Variants in VMP1 observed in about 807,000 individuals in gnomAD.
VMP1 encodes the protein vacuole membrane protein 1.
A neutral mutation model predicts 56.0 loss-of-function variants in VMP1; 11 were observed. The ratio of observed to expected loss-of-function variants is 0.20; its 90% CI spans 0.12 to 0.32. VMP1 has a LOEUF of 0.32. VMP1 is among the 10% of genes least tolerant of loss of function. The probability of loss-of-function intolerance (pLI) is 1.00; values close to 1 mark genes in which losing one functional copy is unlikely to be tolerated. For synonymous variants in VMP1, 149 were observed against 165.0 expected, an observed-to-expected ratio of 0.90 and a Z score of 0.74; for missense variants, 296 against 490.3, an observed-to-expected ratio of 0.60 and a Z score of 3.74.
chr17:59,740,463 A>G (rs2035186016), intron 5 of VMP1, among the ~76,000 whole-genome samples: 1 of 152,232 alleles, frequency 6.6e-6, no homozygotes, highest in Admixed American at 6.5e-5. Context: ...TAATGAATTC[A>G]TCTCTGAAGC....
At position 59,723,959 on chromosome 17, in the gene VMP1, C is replaced by A. The variant is rs548321495; in HGVS notation, c.-26-7462C>A. On this transcript the variant is annotated intron_variant, in intron 1 of 11. Coordinates refer to ENST00000262291, the MANE Select transcript of VMP1 (RefSeq NM_030938.5). ...GCTGGATATGGTTCATGCCTGTAAT[C>A]CCAGCACTTTGGGAGGCCAAGGCAG... is the stretch of plus-strand genomic sequence containing the variant. Among the ~76,000 whole-genome samples, 10 of 152,256 alleles carry A rather than the reference C, an allele frequency of 6.6e-5. No individual in the cohort carries two copies. In the South Asian group the frequency reaches 2.1e-3, roughly 32 times the overall value.
intron 10 of VMP1, among the ~76,000 whole-genome samples, chr17:59,818,630 C>T (rs998469671): frequency 6.6e-6 from 1 of 151,778 alleles, no homozygotes; most frequent in Non-Finnish European, 1.5e-5. Context: ...ATTAGCCGGG[C>T]GTGGTGGCAC....
chr17:59,723,969 T>C (rs566843018), intron 1 of VMP1, among the ~76,000 whole-genome samples: 72 of 152,302 alleles, frequency 4.7e-4, no homozygotes, highest in African/African-American at 1.7e-3. Context: ...CCCAGCACTT[T>C]GGGAGGCCAA....
intron 5 of VMP1, among the ~76,000 whole-genome samples, chr17:59,755,022 A>T (rs568522840): frequency 8.2e-6 from 1 of 121,766 alleles, no homozygotes; most frequent in African/African-American, 3.1e-5. Flanking sequence ...TATGTAGTTC[A>T]TTTCTCTTGA....
intron 1 of VMP1, among the ~76,000 whole-genome samples, chr17:59,714,896 G>C (rs768276999): frequency 2.6e-5 from 4 of 152,122 alleles, no homozygotes; most frequent in Non-Finnish European, 5.9e-5. Context: ...TGCCCAGGCT[G>C]GTCTTGAACT....
intron 6 of VMP1, among the ~76,000 whole-genome samples, chr17:59,770,150 A>G (rs1356703064): frequency 2.0e-5 from 3 of 152,214 alleles, no homozygotes; most frequent in Non-Finnish European, 4.4e-5. Flanking sequence ...ATTTCAGTCC[A>G]TTATGTTACT....
At chr17:59,797,359 AAAAG>A (rs1178752546) in intron 7 of VMP1, among the ~76,000 whole-genome samples, 1 of 151,944 alleles carries the variant, frequency 6.6e-6, no homozygotes, top group African/African-American at 2.4e-5. Flanking sequence ...AAAAAAAAGA[AAAAG>A]AAAAAGACTT....
chr17:59,727,308 G>A (rs559572364), intron 1 of VMP1, among the ~76,000 whole-genome samples: 92 of 151,672 alleles, frequency 6.1e-4, no homozygotes, highest in Admixed American at 1.1e-3. Flanking sequence ...CTATTTTTTC[G>A]TATTTTTAGT....
In VMP1 at chr17:59,839,918, A is replaced by C. The variant is rs777974368; in HGVS notation, c.*7A>C. The C allele has an allele frequency of 6.2e-7, 1 of 1,609,878 alleles. No individual in the cohort carries two copies. Among genetic ancestry groups the C allele is most frequent in the South Asian group, 1.1e-5 (1 of 90,018 alleles). On this transcript the variant is annotated 3_prime_UTR_variant, in exon 12 of 12. Transcript: ENST00000262291. ...AGAGGAGAAAACTAAATAAGTAGAGAAAGTTTTAAACTGCAGAAATTGGAG... is the reference window on the plus strand; with the variant it reads ...AGAGGAGAAAACTAAATAAGTAGAGCAAGTTTTAAACTGCAGAAATTGGAG...
chr17:59,737,679 T>C (rs2035066499), intron 4 of VMP1, 136 bp downstream of exon 4: 1 of 671,000 alleles, frequency 1.5e-6, no homozygotes, highest in Non-Finnish European at 2.3e-6. Flanking sequence ...TCAAATGTTT[T>C]ACTTTTAAAG....
chr17:59,792,491 A>G (rs1226045256), intron 7 of VMP1, among the ~76,000 whole-genome samples: 1 of 151,754 alleles, frequency 6.6e-6, no homozygotes, highest in Non-Finnish European at 1.5e-5. Flanking sequence ...TTTTTTCTTC[A>G]CAGACTAGTA....
At chr17:59,755,115 T>C (rs1316029145) in intron 5 of VMP1, among the ~76,000 whole-genome samples, 1 of 151,358 alleles carries the variant, frequency 6.6e-6, no homozygotes, top group Non-Finnish European at 1.5e-5. Flanking sequence ...TTTTTCTTTT[T>C]CTTTTTTTTT....
At chr17:59,711,978 C>G (rs1406249875) in intron 1 of VMP1, among the ~76,000 whole-genome samples, 1 of 152,038 alleles carries the variant, frequency 6.6e-6, no homozygotes, top group African/African-American at 2.4e-5. Context: ...TGCTTTTTTT[C>G]AAATTCTAGC....
intron 6 of VMP1, among the ~76,000 whole-genome samples, chr17:59,771,244 C>T (rs2036414244): frequency 1.3e-5 from 2 of 151,622 alleles, no homozygotes; most frequent in Admixed American, 1.3e-4. Context: ...ACAATCACAG[C>T]TCACTGCAGC....
At chr17:59,819,851 T>C (rs1026828162) in intron 10 of VMP1, among the ~76,000 whole-genome samples, 1 of 152,242 alleles carries the variant, frequency 6.6e-6, no homozygotes, top group Admixed American at 6.5e-5. Context: ...CCATGCATTA[T>C]TTGTTCTTTT....
In VMP1 at chr17:59,840,783, G is replaced by A. The variant is rs1426498853; in HGVS notation, c.*872G>A. Reference sequence around the variant, plus strand: ...GCATACTGCTAAATGGCACCTCTGGGATTGGCCTACCTGGGGATTTCTTGG... The same window carrying A: ...GCATACTGCTAAATGGCACCTCTGGAATTGGCCTACCTGGGGATTTCTTGG... On this transcript the variant is annotated 3_prime_UTR_variant, in exon 12 of 12. Coordinates refer to ENST00000262291, the MANE Select transcript of VMP1 (RefSeq NM_030938.5). 2 of 152,376 alleles carry A rather than the reference G, an allele frequency of 1.3e-5. No individual in the cohort carries two copies. The highest frequency in any genetic ancestry group is 2.9e-5 in the Non-Finnish European group (2 of 68,234). 9.4% of individuals were successfully genotyped at this position (152,376 alleles called of 1,614,324 possible). A position where few individuals can be genotyped will look rare whatever the true frequency, so the allele number is the denominator to read the frequency against.
intron 7 of VMP1, among the ~76,000 whole-genome samples, chr17:59,775,176 C>G (rs1568124415): frequency 6.6e-6 from 1 of 152,026 alleles, no homozygotes; most frequent in African/African-American, 2.4e-5. Context: ...GATCTCCTGA[C>G]CTCGCAATCC....
At chr17:59,804,732 A>AT (rs1402181494) in intron 7 of VMP1, among the ~76,000 whole-genome samples, 1 of 152,028 alleles carries the variant, frequency 6.6e-6, no homozygotes, top group Non-Finnish European at 1.5e-5. Flanking sequence ...TAAAATACCA[A>AT]TGCAGTGCTT....
chr17:59,715,903 C>A (rs756143372), intron 1 of VMP1, among the ~76,000 whole-genome samples: 30 of 152,152 alleles, frequency 2.0e-4, no homozygotes, highest in Non-Finnish European at 2.8e-4. Flanking sequence ...TAGTTCTGAG[C>A]ATTTAAAATT....
Sources: allele counts gnomAD v4.1 joint callset (sites outside exome capture counted in the v4.1 genomes callset), GRCh38; gene constraint gnomAD v4.1.1; transcripts MANE v1.5; gene names NCBI Gene and HGNC (gene_info 2026-07-23, HGNC 2026-07-21).